GPC6: variants seen among roughly 807,000 people sequenced by gnomAD.
The protein encoded by GPC6 is glypican-6.
Under a neutral mutation model 55.2 loss-of-function variants are expected in GPC6, and 14 were observed. That is an observed-to-expected ratio of 0.25 (90% CI 0.17 to 0.40). The LOEUF is 0.40. Ranked by LOEUF, GPC6 falls within the 10% of genes least tolerant of loss-of-function variation. The pLI is 1.00. For synonymous variants in GPC6, 278 were observed against 259.6 expected (o/e 1.07, Z -0.68); for missense variants, 641 against 708.5 (o/e 0.90, Z 1.08).
At chr13:93,543,835 T>C (rs930110369) in intron 1 of GPC6, among the ~76,000 whole-genome samples, 18 of 152,166 alleles carry the variant, frequency 1.2e-4, no homozygotes, top group Admixed American at 6.6e-5. Context: ...CAGATAAATG[T>C]CCAGGAGTGG....
intron 4 of GPC6, among the ~76,000 whole-genome samples, chr13:94,075,229 G>C (rs1457689943): frequency 2.6e-5 from 4 of 152,186 alleles, no homozygotes; most frequent in African/African-American, 9.6e-5. Context: ...GTATGTGTAT[G>C]TGCGTGTGCA....
intron 2 of GPC6, among the ~76,000 whole-genome samples, chr13:93,660,363 G>A (rs114720900): frequency 1.4e-3 from 206 of 152,180 alleles, no homozygotes; most frequent in African/African-American, 4.8e-3. Flanking sequence ...TTAGCTTCTC[G>A]CAGAAGGTCA....
chr13:94,359,934 G>C (rs1318980568), intron 6 of GPC6, among the ~76,000 whole-genome samples: 2 of 152,124 alleles, frequency 1.3e-5, no homozygotes, highest in Admixed American at 6.5e-5. Context: ...CCTATGGCAG[G>C]GTGGTGAAAA....
chr13:93,979,505 G>A (rs1880692272), intron 3 of GPC6, among the ~76,000 whole-genome samples: 1 of 151,792 alleles, frequency 6.6e-6, no homozygotes, highest in Non-Finnish European at 1.5e-5. Context: ...ATGCTACCCA[G>A]AGTGGTCTAT....
chr13:93,627,640 GC>G (rs1879258191), intron 2 of GPC6, among the ~76,000 whole-genome samples: 1 of 152,044 alleles, frequency 6.6e-6, no homozygotes, highest in African/African-American at 2.4e-5. Flanking sequence ...TATTACTTAT[GC>G]ATTTATTAAC....
chr13:93,336,150 G>A (rs1880038211), intron 1 of GPC6, among the ~76,000 whole-genome samples: 1 of 152,162 alleles, frequency 6.6e-6, no homozygotes, highest in Non-Finnish European at 1.5e-5. Flanking sequence ...AATCAAACTT[G>A]TTCTGCACTT....
chr13:94,349,452 A>G (rs9589962), intron 6 of GPC6, among the ~76,000 whole-genome samples: 7,600 of 152,234 alleles, frequency 0.05, 607 homozygotes, highest in African/African-American at 0.17. Context: ...ATCTCATCAC[A>G]GCACTTATGG....
chr13:93,741,773 G>T (rs917686965), intron 2 of GPC6, among the ~76,000 whole-genome samples: 5 of 152,048 alleles, frequency 3.3e-5, no homozygotes, highest in African/African-American at 1.2e-4. Flanking sequence ...TACTTAAATA[G>T]TGTTAGCATG....
At chr13:94,311,463 C>T (rs1411064121) in intron 6 of GPC6, among the ~76,000 whole-genome samples, 1 of 152,162 alleles carries the variant, frequency 6.6e-6, no homozygotes, top group Non-Finnish European at 1.5e-5. Flanking sequence ...GCCACTGTGT[C>T]CAGCCCTGAT....
At chr13:93,495,231 T>G (rs1294856594) in intron 1 of GPC6, among the ~76,000 whole-genome samples, 1 of 144,090 alleles carries the variant, frequency 6.9e-6, no homozygotes, top group Admixed American at 7.0e-5. Context: ...TTCTTTTTAT[T>G]CTTTTTTCTC....
intron 4 of GPC6, among the ~76,000 whole-genome samples, chr13:94,100,166 A>G (rs1885804662): frequency 6.6e-6 from 1 of 152,206 alleles, no homozygotes; most frequent in Admixed American, 6.5e-5. Flanking sequence ...ACAGATGAAG[A>G]CAATCAGACT....
intron 2 of GPC6, among the ~76,000 whole-genome samples, chr13:93,636,102 T>A (rs1039248877): frequency 2.6e-5 from 4 of 152,124 alleles, no homozygotes; most frequent in African/African-American, 9.7e-5. Flanking sequence ...TAGTCTATGA[T>A]GAGGGAGAGA....
intron 2 of GPC6, among the ~76,000 whole-genome samples, chr13:93,737,328 G>A (rs1884039879): frequency 6.6e-6 from 1 of 152,122 alleles, no homozygotes; most frequent in African/African-American, 2.4e-5. Flanking sequence ...TTAAGGCTTT[G>A]ATGAAAGTGC....
chr13:93,893,814 A>T (rs1875833106), intron 3 of GPC6, among the ~76,000 whole-genome samples: 2 of 152,100 alleles, frequency 1.3e-5, no homozygotes, highest in African/African-American at 4.8e-5. Flanking sequence ...CTCTTAATTA[A>T]TTTTTTTCAT....
intron 1 of GPC6, among the ~76,000 whole-genome samples, chr13:93,507,061 CAAAAAAAAAAAAAAA>C (rs56368708): frequency 5.8e-5 from 3 of 52,126 alleles, no homozygotes; most frequent in Admixed American, 8.0e-4. Flanking sequence ...GACTCCGTCT[CAAAAAAAAAAAAAAA>C]AAAAAAAAAA....
intron 1 of GPC6, among the ~76,000 whole-genome samples, chr13:93,535,651 T>C (rs1245926279): frequency 6.7e-6 from 1 of 149,658 alleles, no homozygotes; most frequent in Non-Finnish European, 1.5e-5. Context: ...TGATGGACTG[T>C]GTATCAGCCA....
chr13:94,259,378 G>A (rs1891592847), intron 4 of GPC6, among the ~76,000 whole-genome samples: 1 of 152,200 alleles, frequency 6.6e-6, no homozygotes, highest in Admixed American at 6.5e-5. Flanking sequence ...ATGAAAGATG[G>A]GGGAAATGAT....
At chr13:93,520,818 C>CTATAAACAAACTA (rs1555307541) in intron 1 of GPC6, among the ~76,000 whole-genome samples, 1 of 150,678 alleles carries the variant, frequency 6.6e-6, no homozygotes, top group African/African-American at 2.4e-5. Flanking sequence ...ACAAACTATA[C>CTATAAACAAACTA]TATAGACAAA....
At chr13:94,327,696 C>T (rs1047018558) in intron 6 of GPC6, among the ~76,000 whole-genome samples, 1 of 151,572 alleles carries the variant, frequency 6.6e-6, no homozygotes, top group African/African-American at 2.4e-5. Flanking sequence ...GTGAGTGGGT[C>T]GGAGTATTTT....
Sources: gnomAD v4.1 joint callset for allele counts (sites outside exome capture counted in the v4.1 genomes callset) on GRCh38, gnomAD v4.1.1 for gene constraint, MANE v1.5 for transcripts, NCBI Gene and HGNC (gene_info 2026-07-23, HGNC 2026-07-21) for gene names.